Variants in GNL2 observed in about 807,000 individuals in gnomAD.
GNL2 encodes nucleolar GTP-binding protein 2.
GNL2 carries 51 observed loss-of-function variants against 92.3 expected under a neutral mutation model. That is an observed-to-expected ratio of 0.55 (90% CI 0.44 to 0.70). The LOEUF (loss-of-function observed/expected upper bound fraction) is 0.70, where lower values mean the gene tolerates loss of function less well. Among genes scored for constraint, GNL2 ranks in the 30% least tolerant of loss-of-function variants. GNL2 has a pLI of 0.00. For missense variants in GNL2, 844 were observed against 895.6 expected (o/e 0.94, Z 0.74); for synonymous variants, 283 against 300.6 (o/e 0.94, Z 0.61).
At chr1:37,570,730 T>C (rs1476802221) in intron 12 of GNL2, 1 of 152,134 alleles carries the variant, frequency 6.6e-6, no homozygotes, top group African/African-American at 2.4e-5. Flanking sequence ...TTCTGTTGCA[T>C]CATCACAAAA....
At chr1:37,585,411 G>T (rs550907276) in intron 5 of GNL2, among the ~76,000 whole-genome samples, 1 of 152,192 alleles carries the variant, frequency 6.6e-6, no homozygotes, top group East Asian at 1.9e-4. Flanking sequence ...CTAAAAAAAA[G>T]CATGACTGAA....
intron 9 of GNL2, 67 bp downstream of exon 9, chr1:37,576,361 G>A: frequency 7.1e-7 from 1 of 1,417,446 alleles, no homozygotes; most frequent in Non-Finnish European, 9.8e-7. Flanking sequence ...AAATCAACAA[G>A]TCCTAAACAA....
intron 5 of GNL2, 104 bp from the exon 6 acceptor site, chr1:37,584,037 T>G: frequency 1.4e-6 from 1 of 735,196 alleles, no homozygotes; most frequent in Non-Finnish European, 2.4e-6. Flanking sequence ...TCAAACCCAG[T>G]TGGAGATGGA....
rs570774524 is a variant in GNL2, at chr1:37,583,950, C to T, written c.570-17G>A. 56 of 1,404,084 alleles carry T rather than the reference C, an allele frequency of 4.0e-5. No homozygotes were observed. The African/African-American group carries it at 5.7e-4, about 14-fold the overall frequency. The allele number at this position is 1,404,084 out of a possible 1,614,324, so 87.0% of individuals were successfully genotyped here. A position where few individuals can be genotyped will look rare whatever the true frequency, so the allele number is the denominator to read the frequency against. The stretch of plus-strand genomic sequence containing the variant: ...GCTTCATTTCTAAATAAGAAAGCAC[C>T]CCAAATGAGCAACTGAAGCACCATC... On this transcript the variant is annotated splice_polypyrimidine_tract_variant and intron_variant, in intron 5 of 15. Transcript: ENST00000373062.
chr1:37,578,567 T>C (rs1435676801), intron 8 of GNL2, among the ~76,000 whole-genome samples: 2 of 151,900 alleles, frequency 1.3e-5, no homozygotes, highest in Admixed American at 1.3e-4. Context: ...CCTTACTCTT[T>C]TTTTTTTTGA....
intron 8 of GNL2, among the ~76,000 whole-genome samples, chr1:37,580,741 C>T (rs1314593299): frequency 6.6e-6 from 1 of 152,206 alleles, no homozygotes; most frequent in Non-Finnish European, 1.5e-5. Flanking sequence ...ACAGTTCCCA[C>T]TGTATCAGAG....
At chr1:37,585,419 G>A (rs998597644) in intron 5 of GNL2, among the ~76,000 whole-genome samples, 1 of 152,128 alleles carries the variant, frequency 6.6e-6, no homozygotes, top group African/African-American at 2.4e-5. Flanking sequence ...AAGCATGACT[G>A]AATTAGGCAG....
intron 2 of GNL2, chr1:37,593,438 C>A: frequency 4.1e-6 from 1 of 244,856 alleles, no homozygotes; most frequent in Non-Finnish European, 7.8e-6. Flanking sequence ...GGTGGCTTTC[C>A]TAACTACAGT....
At chr1:37,592,521 G>A (rs930895832) in intron 3 of GNL2, among the ~76,000 whole-genome samples, 191 bp downstream of exon 3, 2 of 152,062 alleles carry the variant, frequency 1.3e-5, no homozygotes, top group Non-Finnish European at 2.9e-5. Flanking sequence ...AATGGTGAGC[G>A]CTCTTCAAAA....
rs1325438364 is a variant in GNL2, at chr1:37,569,036, G to A, written c.1683C>T (p.Ser561=). The A allele has an allele frequency of 6.2e-7, 1 of 1,613,962 alleles. No individual in the cohort carries two copies. Among genetic ancestry groups the A allele is most frequent in the Non-Finnish European group, 8.5e-7 (1 of 1,180,030 alleles). ...EVSDLEEELE[S]FSDEEEEEQE... ...GTTCCTCCTCCTCTTCATCAGAAAAGCTCTCAAGCTCTTCCTCAAGATCTG... is the reference window on the plus strand; with the variant it reads ...GTTCCTCCTCCTCTTCATCAGAAAAACTCTCAAGCTCTTCCTCAAGATCTG... The change falls in exon 13 of 16, where the codon AGC becomes AGT. Residue 561 remains serine, a synonymous_variant. Coordinates refer to ENST00000373062, the MANE Select transcript of GNL2 (RefSeq NM_013285.3).
At chr1:37,572,955 G>C (rs912289826) in intron 12 of GNL2, among the ~76,000 whole-genome samples, 3 of 152,170 alleles carry the variant, frequency 2.0e-5, no homozygotes, top group African/African-American at 7.2e-5. Context: ...TATGTATTTG[G>C]TGTCAGAAGA....
rs565231399 is a variant in GNL2 at position 37,567,705 on chromosome 1, T to G, written c.2011A>C (p.Asn671His). The G allele has an allele frequency of 3.7e-6, 6 of 1,613,778 alleles. No homozygotes were observed. Among genetic ancestry groups the G allele is most frequent in the Non-Finnish European group, 5.1e-6 (6 of 1,179,762 alleles). ...GATGTAAGCGCCCTGGGAGCTTTAT[T>G]TGAATGTTCCTGTTCCTCTTCCCTT... ...AQREEEQEHSNKAPRALTSKE... is the reference protein window; with the variant it reads ...AQREEEQEHSHKAPRALTSKE... The change falls in exon 15 of 16, where the codon AAT (asparagine) becomes CAT (histidine). Residue 671 changes from asparagine to histidine, a missense_variant. Physicochemically the swap from Asn to His is moderately conservative, Grantham distance 68 (BLOSUM62 1). Coordinates refer to ENST00000373062, the MANE Select transcript of GNL2 (RefSeq NM_013285.3).
chr1:37,582,460 A>G, intron 7 of GNL2, 124 bp from the exon 8 acceptor site: 4 of 615,360 alleles, frequency 6.5e-6, no homozygotes, highest in East Asian at 3.0e-5. Flanking sequence ...AATGTTAGCT[A>G]TAATTCTTTG....
chr1:37,592,451 T>G (rs1643892922), intron 3 of GNL2, among the ~76,000 whole-genome samples: 1 of 152,216 alleles, frequency 6.6e-6, no homozygotes, highest in African/African-American at 2.4e-5. Flanking sequence ...TTCTAAGGTC[T>G]GTGAATGCTA....
chr1:37,579,895 C>CAAAAAAAA (rs34353424), intron 8 of GNL2, among the ~76,000 whole-genome samples: 34 of 73,862 alleles, frequency 4.6e-4, no homozygotes, highest in Non-Finnish European at 7.7e-4. Flanking sequence ...GACTCTGCCT[C>CAAAAAAAA]AAAAAAAAAA....
At chr1:37,588,306 T>G (rs1291579113) in intron 4 of GNL2, among the ~76,000 whole-genome samples, 2 of 151,050 alleles carry the variant, frequency 1.3e-5, no homozygotes, top group Non-Finnish European at 3.0e-5. Context: ...CTTTTCCCCC[T>G]AGTACAAGCT....
At position 37,574,783 on chromosome 1, in the gene GNL2, C is replaced by T; in HGVS notation, c.1184G>A (p.Gly395Asp). 2 of 1,613,278 alleles carry T rather than the reference C, an allele frequency of 1.2e-6. No individual in the cohort carries two copies. Among genetic ancestry groups the T allele is most frequent in the Non-Finnish European group, 1.7e-6 (2 of 1,179,190 alleles). The change falls in exon 11 of 16, where the codon GGT becomes GAT. Residue 395 changes from glycine (G) to aspartate (D), a missense_variant. By Grantham distance (94) the Gly-to-Asp change is moderately conservative. Transcript: ENST00000373062. The part of the protein sequence containing the change: ...EKIKSPEDHI[G>D]AVLERAKPEY... ...TGGCTTTGCTCGTTCAAGTACAGCA[C>T]CAATGTGGTCTTCAGGACTCTTAAT...
chr1:37,591,698 G>A (rs1007264940), intron 3 of GNL2, among the ~76,000 whole-genome samples: 2 of 151,902 alleles, frequency 1.3e-5, no homozygotes, highest in Non-Finnish European at 2.9e-5. Context: ...TAGAGATGGG[G>A]GTTTCACTGT....
chr1:37,570,147 G>C (rs1643571680), intron 12 of GNL2: 1 of 152,194 alleles, frequency 6.6e-6, no homozygotes, highest in African/African-American at 2.4e-5. Flanking sequence ...GCAAGTGTTG[G>C]TAGGTAAGGC....
Sources: allele counts gnomAD v4.1 joint callset (sites outside exome capture counted in the v4.1 genomes callset), GRCh38; gene constraint gnomAD v4.1.1; transcripts MANE v1.5; gene names NCBI Gene and HGNC (gene_info 2026-07-23, HGNC 2026-07-21).